The following RGS6 variants were observed in gnomAD, a reference collection of about 807,000 sequenced individuals.
RGS6 encodes the protein regulator of G protein signaling 6, also known as regulator of G-protein signaling 6.
A neutral mutation model predicts 78.5 loss-of-function variants in RGS6; 30 were observed. The observed-to-expected ratio is 0.38, with a 90% CI of 0.29 to 0.52. The LOEUF (loss-of-function observed/expected upper bound fraction) is 0.52, where lower values mean the gene tolerates loss of function less well. Ranked by LOEUF, RGS6 falls within the 20% of genes least tolerant of loss-of-function variation. The pLI, the probability that RGS6 is intolerant of heterozygous loss-of-function variation, is 0.85. For synonymous variants in RGS6, 206 were observed against 206.0 expected, an observed-to-expected ratio of 1.00 and a Z score of 0.00; for missense variants, 495 against 609.7, an observed-to-expected ratio of 0.81 and a Z score of 1.98.
chr14:72,396,020 T>G (rs1416906703), intron 3 of RGS6, among the ~76,000 whole-genome samples: 1 of 152,178 alleles, frequency 6.6e-6, no homozygotes, highest in Admixed American at 6.5e-5. Flanking sequence ...TATGGCAGCA[T>G]GATTTATAAT....
intron 1 of RGS6, among the ~76,000 whole-genome samples, chr14:71,950,978 C>T (rs1360211364): frequency 6.6e-6 from 1 of 152,062 alleles, no homozygotes; most frequent in Non-Finnish European, 1.5e-5. Context: ...ATTGGATCAA[C>T]CATTGTGGAA....
chr14:72,598,419 G>T, the RGS6 span, among the ~76,000 whole-genome samples: 1 of 152,226 alleles, frequency 6.6e-6, no homozygotes, highest in Non-Finnish European at 1.5e-5. Context: ...TGCAAGATCT[G>T]GAGCTCTTCC....
At chr14:72,515,201 C>T (rs190921708) in intron 14 of RGS6, among the ~76,000 whole-genome samples, 55 of 151,664 alleles carry the variant, frequency 3.6e-4, no homozygotes, top group Non-Finnish European at 1.5e-5. Context: ...GGGAATGTTA[C>T]CCCATACCTT....
chr14:71,914,358 A>G, the RGS6 span, among the ~76,000 whole-genome samples: 1 of 152,222 alleles, frequency 6.6e-6, no homozygotes, highest in East Asian at 1.9e-4. Context: ...GTCCTGGGCT[A>G]CATTTGGAGT....
chr14:72,423,229 C>T (rs995265019), intron 3 of RGS6, among the ~76,000 whole-genome samples: 2 of 152,154 alleles, frequency 1.3e-5, no homozygotes, highest in Non-Finnish European at 2.9e-5. Flanking sequence ...CAGACAAAGT[C>T]GTGAAATAGA....
At chr14:72,214,012 G>A (rs1165589841) in intron 2 of RGS6, among the ~76,000 whole-genome samples, 1 of 152,076 alleles carries the variant, frequency 6.6e-6, no homozygotes, top group East Asian at 1.9e-4. Context: ...AATTCTGGGT[G>A]GGATATTGGC....
At chr14:72,344,629 G>T (rs2152698749) in intron 2 of RGS6, among the ~76,000 whole-genome samples, 2 of 152,288 alleles carry the variant, frequency 1.3e-5, no homozygotes, top group Non-Finnish European at 2.9e-5. Flanking sequence ...GTTCATTGAT[G>T]CAGTCATTCA....
At chr14:72,270,394 A>G (rs2059763309) in intron 2 of RGS6, among the ~76,000 whole-genome samples, 1 of 152,224 alleles carries the variant, frequency 6.6e-6, no homozygotes, top group African/African-American at 2.4e-5. Flanking sequence ...GGAACTGCCA[A>G]TAGGAAAGGA....
chr14:72,275,339 A>C (rs1327774216), intron 2 of RGS6, among the ~76,000 whole-genome samples: 1 of 152,228 alleles, frequency 6.6e-6, no homozygotes, highest in African/African-American at 2.4e-5. Context: ...ATCTCAGTGG[A>C]TAGTCCCCAG....
chr14:72,016,019 A>G (rs1406057610), intron 2 of RGS6, among the ~76,000 whole-genome samples: 1 of 152,040 alleles, frequency 6.6e-6, no homozygotes, highest in Non-Finnish European at 1.5e-5. Context: ...TTGACTTTTT[A>G]TGATGTCTCT....
intron 2 of RGS6, among the ~76,000 whole-genome samples, chr14:72,258,970 C>G (rs1011533555): frequency 5.3e-5 from 8 of 152,106 alleles, no homozygotes; most frequent in Non-Finnish European, 1.0e-4. Flanking sequence ...TTTCTTTAAT[C>G]ATGGTGTCTA....
chr14:72,249,784 T>C (rs1240770390), intron 2 of RGS6, among the ~76,000 whole-genome samples: 1 of 152,048 alleles, frequency 6.6e-6, no homozygotes, highest in African/African-American at 2.4e-5. Flanking sequence ...TAAAGACACA[T>C]GCACACGTAT....
In RGS6 at chr14:72,506,984, T is replaced by TAAAAAAAAAAAAAAA. The variant is rs71109738; in HGVS notation, c.966-3149_966-3135dup. 2.0e-4 allele frequency among the ~76,000 whole-genome samples: 11 copies of TAAAAAAAAAAAAAAA among 54,394 alleles called. 1 individual carries two copies. In the East Asian group the frequency reaches 7.8e-3, roughly 38 times the overall value. The allele number at this position is 54,394 out of a possible 152,430, so 35.7% of individuals were successfully genotyped here. A position where few individuals can be genotyped will look rare whatever the true frequency, so the allele number is the denominator to read the frequency against. ...TAACACGGTGAAACCCTGTCTCTAC[T>TAAAAAAAAAAAAAAA]AAAAAAAAAAAAAAAAAAAAAAAAA... is the stretch of plus-strand genomic sequence containing the variant. On this transcript the variant is annotated intron_variant, in intron 13 of 17. Coordinates refer to ENST00000553525, the MANE Select transcript of RGS6 (RefSeq NM_001204424.2).
rs147711141 is a variant in RGS6 at position 72,490,414 on chromosome 14, A to G, written c.855-4738A>G. On this transcript the variant is annotated intron_variant, in intron 12 of 17. Coordinates refer to ENST00000553525, the MANE Select transcript of RGS6 (RefSeq NM_001204424.2). ...AGGTATGTCTTTATCAGCAGCATGA[A>G]AACAAACTAATACAGCTCTTATTGG... Among the ~76,000 whole-genome samples the G allele has an allele frequency of 3.3e-3, 502 of 152,320 alleles. 2 individuals are homozygous for G. Among genetic ancestry groups the G allele is most frequent in the African/African-American group, 0.012 (480 of 41,574 alleles).
chr14:72,618,359 A>T, the RGS6 span, among the ~76,000 whole-genome samples: 2 of 152,210 alleles, frequency 1.3e-5, no homozygotes, highest in Non-Finnish European at 2.9e-5. Flanking sequence ...GCATTCGGAC[A>T]CATGATTGGG....
intron 3 of RGS6, among the ~76,000 whole-genome samples, chr14:72,354,068 T>TA (rs1002551977): frequency 4.6e-5 from 7 of 152,056 alleles, no homozygotes; most frequent in African/African-American, 1.2e-4. Context: ...TATATTAACC[T>TA]AAAAAATAAG....
chr14:72,067,837 G>T (rs895902480), intron 2 of RGS6, among the ~76,000 whole-genome samples: 3 of 151,974 alleles, frequency 2.0e-5, no homozygotes, highest in African/African-American at 4.8e-5. Context: ...GTAATATTTT[G>T]CCACCGTGAG....
At chr14:71,976,008 C>G (rs1365183502) in intron 2 of RGS6, among the ~76,000 whole-genome samples, 1 of 152,056 alleles carries the variant, frequency 6.6e-6, no homozygotes, top group South Asian at 2.1e-4. Context: ...TAAAGTCATC[C>G]CATTGAATTT....
At chr14:71,941,485 T>G (rs35077074) in intron 1 of RGS6, among the ~76,000 whole-genome samples, 30,524 of 152,066 alleles carry the variant, frequency 0.2, 3,229 homozygotes, top group South Asian at 0.28. Context: ...TAATAAGATA[T>G]ATATGTCTTA....
Sources: gnomAD v4.1 joint callset for allele counts (sites outside exome capture counted in the v4.1 genomes callset) on GRCh38, gnomAD v4.1.1 for gene constraint, MANE v1.5 for transcripts, NCBI Gene and HGNC (gene_info 2026-07-23, HGNC 2026-07-21) for gene names.